The following SLC39A12 variants were observed in gnomAD, a reference collection of about 807,000 sequenced individuals.
SLC39A12 encodes solute carrier family 39 member 12.
SLC39A12 carries 63 observed loss-of-function variants against 71.1 expected under a neutral mutation model. The observed-to-expected ratio is 0.89, with a 90% CI of 0.72 to 1.09. SLC39A12 has a LOEUF of 1.09. Ranked by LOEUF, SLC39A12 falls within the 50% of genes least tolerant of loss-of-function variation. SLC39A12 has a pLI of 0.00. For missense variants in SLC39A12, 892 were observed against 812.6 expected (o/e 1.10, Z -1.19); for synonymous variants, 351 against 301.3 (o/e 1.16, Z -1.71).
At chr10:18,040,842 C>T (rs7075087) in intron 12 of SLC39A12, among the ~76,000 whole-genome samples, 9,136 of 150,924 alleles carry the variant, frequency 0.061, 981 homozygotes, top group African/African-American at 0.21. Context: ...TTCATTTGAT[C>T]GATAAAATAA....
In SLC39A12 at chr10:18,034,994, G is replaced by T. The variant is rs1159268641; in HGVS notation, c.1948-7711G>T. Among the ~76,000 whole-genome samples, 10 of 151,364 alleles carry T rather than the reference G, an allele frequency of 6.6e-5. No individual in the cohort carries two copies. The East Asian group carries it at 1.4e-3, about 21-fold the overall frequency. On this transcript the variant is annotated intron_variant, in intron 12 of 12. Transcript: ENST00000377369. The stretch of plus-strand genomic sequence containing the variant: ...ATTGGCCCCCACTCTCTTCTGGCTT[G>T]TAGGGTTTCTGCCGAGAGATCCGCT...
chr10:18,022,300 T>A (rs1301950702), intron 12 of SLC39A12, among the ~76,000 whole-genome samples: 2 of 152,146 alleles, frequency 1.3e-5, no homozygotes, highest in African/African-American at 2.4e-5. Flanking sequence ...ATCCCGTCTT[T>A]CTCAGAGGTT....
At chr10:17,981,288 C>A (rs372763135) in intron 5 of SLC39A12, 24 bp from the exon 6 acceptor site, 84 of 1,572,134 alleles carry the variant, frequency 5.3e-5, no homozygotes, top group African/African-American at 6.8e-5. Flanking sequence ...AGATTAGTAA[C>A]AATGTTATGT....
chr10:17,983,009 T>G (rs1231490252), intron 6 of SLC39A12, among the ~76,000 whole-genome samples: 1 of 150,592 alleles, frequency 6.6e-6, no homozygotes, highest in African/African-American at 2.5e-5. Context: ...GCTAACGCAG[T>G]GAAACCCCGT....
intron 3 of SLC39A12, among the ~76,000 whole-genome samples, chr10:17,964,651 G>C (rs1219150375): frequency 3.9e-5 from 6 of 152,124 alleles, no homozygotes; most frequent in Non-Finnish European, 8.8e-5. Flanking sequence ...GTGTCCTCTG[G>C]GAGTTCAAAG....
Position 17,978,042 on chromosome 10 carries a change from G to T in SLC39A12, c.892G>T (p.Glu298Ter). 1.2e-6 allele frequency: 2 copies of T among 1,604,058 alleles called. No homozygotes were observed. The highest frequency in any genetic ancestry group is 8.5e-7 in the Non-Finnish European group (1 of 1,176,650). The stretch of plus-strand genomic sequence containing the variant: ...TAATTTCTCTTCATCCATGGAAAAA[G>T]AGTCTGAGGATGGTCCAGTTTCCTG... The part of the protein sequence containing the change: ...YSNFSSSMEK[E>*]SEDGPVSWDQ... The change falls in exon 5 of 13, where the codon GAG becomes TAG. Residue 298 changes from glutamate (E) to a stop codon, truncating the protein, a stop_gained. Coordinates refer to ENST00000377369, the MANE Select transcript of SLC39A12 (RefSeq NM_001145195.2). LOFTEE classifies it high-confidence loss of function.
chr10:18,031,221 A>G (rs1473167245), intron 12 of SLC39A12, among the ~76,000 whole-genome samples: 1 of 147,142 alleles, frequency 6.8e-6, no homozygotes, highest in Non-Finnish European at 1.5e-5. Flanking sequence ...AGGACTCGCC[A>G]CACTGACTTC....
Position 17,990,427 on chromosome 10 carries a change from A to T in SLC39A12, c.1270-724A>T, listed in dbSNP as rs1030526322. On this transcript the variant is annotated intron_variant, in intron 7 of 12. Transcript: ENST00000377369. ...TTCCTTTTTAAAATTTAATAGTAAC[A>T]TTCTAAATCTGGAAACCATTTATGA... Among the ~76,000 whole-genome samples, 4 of 152,316 alleles carry T rather than the reference A, an allele frequency of 2.6e-5. No homozygotes were observed. In the East Asian group the frequency reaches 7.7e-4, roughly 29 times the overall value.
At position 17,984,672 on chromosome 10, in the gene SLC39A12, G is replaced by A. The variant is rs1835356774; in HGVS notation, c.1097-2807G>A. Among the ~76,000 whole-genome samples the A allele has an allele frequency of 1.3e-5, 2 of 152,186 alleles. 1 individual carries two copies. Among genetic ancestry groups the A allele is most frequent in the South Asian group, 4.1e-4 (2 of 4,824 alleles). On this transcript the variant is annotated intron_variant, in intron 6 of 12. Coordinates refer to ENST00000377369, the MANE Select transcript of SLC39A12 (RefSeq NM_001145195.2). ...TTTTTGTTACATTAGAATGATAAAAGACACGACGATGTAGGTGTCTGAACA... is the reference window on the plus strand; with the variant it reads ...TTTTTGTTACATTAGAATGATAAAAAACACGACGATGTAGGTGTCTGAACA...
chr10:18,004,126 A>T (rs144275250), intron 12 of SLC39A12, among the ~76,000 whole-genome samples: 9 of 152,222 alleles, frequency 5.9e-5, no homozygotes, highest in African/African-American at 2.2e-4. Flanking sequence ...TCTCCTTAAG[A>T]TAAAAGTCTT....
At chr10:18,030,469 G>A (rs1836809771) in intron 12 of SLC39A12, among the ~76,000 whole-genome samples, 1 of 151,736 alleles carries the variant, frequency 6.6e-6, no homozygotes, top group Non-Finnish European at 1.5e-5. Flanking sequence ...TCAATCTCCT[G>A]ACCTCGTGAT....
At position 18,000,727 on chromosome 10, in the gene SLC39A12, C is replaced by A; in HGVS notation, c.1661C>A (p.Ala554Glu). ...ILVGDSLHNF[A>E]DGLAIGAAFS... Reference sequence around the variant, plus strand: ...GTTGGGGACAGCCTGCATAATTTTGCAGATGGCCTAGCCATAGGAGCAGCC... The same window carrying A: ...GTTGGGGACAGCCTGCATAATTTTGAAGATGGCCTAGCCATAGGAGCAGCC... The change falls in exon 11 of 13, where the codon GCA becomes GAA. Residue 554 changes from alanine to glutamate, a missense_variant. By Grantham distance (107) the Ala-to-Glu change is moderately radical. Coordinates refer to ENST00000377369, the MANE Select transcript of SLC39A12 (RefSeq NM_001145195.2). 1 of 1,614,122 alleles carries A rather than the reference C, an allele frequency of 6.2e-7. No individual in the cohort carries two copies. The highest frequency in any genetic ancestry group is 8.5e-7 in the Non-Finnish European group (1 of 1,179,992).
At chr10:17,972,336 A>G (rs1175575509) in intron 4 of SLC39A12, among the ~76,000 whole-genome samples, 1 of 152,158 alleles carries the variant, frequency 6.6e-6, no homozygotes, top group Non-Finnish European at 1.5e-5. Context: ...TTCTGTAAAT[A>G]TATATTAGCT....
chr10:17,991,141 TC>T lies in SLC39A12; in HGVS notation c.1270-6del. On this transcript the variant is annotated splice_polypyrimidine_tract_variant and intron_variant, in intron 7 of 12. Coordinates refer to ENST00000377369, the MANE Select transcript of SLC39A12 (RefSeq NM_001145195.2). Reference sequence around the variant, plus strand: ...TCTCTCTGCCTTTTTTTTTTTTTTTTCCCCTGAAGGTTCTTGGTTTACATAA... The same window carrying T: ...TCTCTCTGCCTTTTTTTTTTTTTTTTCCCTGAAGGTTCTTGGTTTACATAA... 14 of 1,522,478 alleles carry T rather than the reference TC, an allele frequency of 9.2e-6. No homozygotes were observed. The highest frequency in any genetic ancestry group is 4.0e-5 in the South Asian group (3 of 74,494). 94.3% of individuals were successfully genotyped at this position (1,522,478 alleles called of 1,614,324 possible). A position where few individuals can be genotyped will look rare whatever the true frequency, so the allele number is the denominator to read the frequency against.
intron 12 of SLC39A12, among the ~76,000 whole-genome samples, chr10:18,025,390 C>A (rs370073990): frequency 7.2e-5 from 11 of 152,242 alleles, no homozygotes; most frequent in South Asian, 4.2e-4. Context: ...TCCCTCCCCC[C>A]ACCTCACAAC....
chr10:17,977,915 C>T lies in SLC39A12; in HGVS notation c.765C>T (p.Leu255=). 6.3e-7 allele frequency: 1 copy of T among 1,599,490 alleles called. No homozygotes were observed. The change falls in exon 5 of 13, where the codon CTC becomes CTT. Residue 255 remains leucine, a synonymous_variant. Transcript: ENST00000377369. ...NTLRLSELDQ[L]LNTLWTRSTC... ...TGAAATTTCTAGAACTAGACCAACTCCTCAACACTCTCTGGACCAGAAGTA... is the reference window on the plus strand; with the variant it reads ...TGAAATTTCTAGAACTAGACCAACTTCTCAACACTCTCTGGACCAGAAGTA...
At chr10:18,038,248 C>T (rs182413665) in intron 12 of SLC39A12, among the ~76,000 whole-genome samples, 88 of 152,068 alleles carry the variant, frequency 5.8e-4, no homozygotes, top group African/African-American at 1.9e-3. Context: ...AATTTTCTCA[C>T]TGGGAGTAGG....
chr10:18,000,924 T>A, intron 11 of SLC39A12, 99 bp downstream of exon 11: 1 of 1,091,890 alleles, frequency 9.2e-7, no homozygotes, highest in Non-Finnish European at 1.3e-6. Flanking sequence ...ACCTATGACT[T>A]AAAGATGAAT....
At chr10:17,986,721 A>T (rs72778337) in intron 6 of SLC39A12, among the ~76,000 whole-genome samples, 1,829 of 152,350 alleles carry the variant, frequency 0.012, 19 homozygotes, top group Non-Finnish European at 0.021. Flanking sequence ...TATAACACTT[A>T]TAAGACTGGG....
Sources: gnomAD v4.1 joint callset for allele counts (sites outside exome capture counted in the v4.1 genomes callset) on GRCh38, gnomAD v4.1.1 for gene constraint, MANE v1.5 for transcripts, NCBI Gene and HGNC (gene_info 2026-07-23, HGNC 2026-07-21) for gene names.